Variants in MEGF9 observed in about 807,000 individuals in gnomAD.
The protein encoded by MEGF9 is multiple EGF like domains 9, also known as multiple epidermal growth factor-like domains protein 9.
A neutral mutation model predicts 46.8 loss-of-function variants in MEGF9; 6 were observed. That is an observed-to-expected ratio of 0.13 (90% CI 0.07 to 0.25). The LOEUF is 0.25. MEGF9 is among the 10% of genes least tolerant of loss of function. The pLI is 1.00. For missense variants in MEGF9, 683 were observed against 792.4 expected (o/e 0.86, Z 1.66); for synonymous variants, 302 against 330.7 (o/e 0.91, Z 0.94).
chr9:120,661,308 GT>G (rs1348375895), intron 1 of MEGF9, among the ~76,000 whole-genome samples: 2 of 152,186 alleles, frequency 1.3e-5, no homozygotes, highest in Admixed American at 1.3e-4. Flanking sequence ...GAGCTCAGGA[GT>G]TTGAGACCAG....
At chr9:120,645,871 G>C (rs1011837369) in intron 2 of MEGF9, among the ~76,000 whole-genome samples, 2 of 152,300 alleles carry the variant, frequency 1.3e-5, no homozygotes, top group East Asian at 3.9e-4. Context: ...ACACTCAGCA[G>C]CAAGGCTAAT....
chr9:120,682,845 G>T (rs1221327007), intron 1 of MEGF9, among the ~76,000 whole-genome samples: 2 of 152,130 alleles, frequency 1.3e-5, no homozygotes, highest in African/African-American at 4.8e-5. Context: ...AGCTTCCAAA[G>T]TGCTGGGATT....
At chr9:120,625,324 C>G (rs144673522) in intron 2 of MEGF9, among the ~76,000 whole-genome samples, 24 of 152,300 alleles carry the variant, frequency 1.6e-4, no homozygotes, top group African/African-American at 5.5e-4. Flanking sequence ...TATTATTACT[C>G]AAATCAGTTT....
At chr9:120,653,028 G>A (rs867509255) in intron 2 of MEGF9, among the ~76,000 whole-genome samples, 6 of 152,090 alleles carry the variant, frequency 3.9e-5, no homozygotes, top group East Asian at 1.9e-4. Context: ...TTCAAATTCC[G>A]CTCCCTTTCT....
chr9:120,641,136 C>A (rs1176331204), intron 2 of MEGF9, among the ~76,000 whole-genome samples: 1 of 152,114 alleles, frequency 6.6e-6, no homozygotes, highest in East Asian at 1.9e-4. Context: ...AATTCCATGT[C>A]TTTGCTATTG....
At chr9:120,658,695 T>A (rs990104746) in intron 2 of MEGF9, among the ~76,000 whole-genome samples, 6 of 152,164 alleles carry the variant, frequency 3.9e-5, no homozygotes, top group African/African-American at 1.4e-4. Flanking sequence ...TGACTTGGGG[T>A]CCACAAAAAG....
At chr9:120,661,100 T>C (rs1196415771) in intron 1 of MEGF9, among the ~76,000 whole-genome samples, 2 of 152,206 alleles carry the variant, frequency 1.3e-5, no homozygotes, top group African/African-American at 4.8e-5. Flanking sequence ...AAACAAAAGA[T>C]TCCTCAAAGA....
In MEGF9 at chr9:120,600,944, T is replaced by C. The variant is rs2043392931; in HGVS notation, c.*4246A>G. ...ACAATAGGTACAAATTATATACATT[T>C]ATTTTTAATAATTTTAAATAACACT... is the stretch of plus-strand genomic sequence containing the variant. On this transcript the variant is annotated 3_prime_UTR_variant, in exon 6 of 6. Coordinates refer to ENST00000373930, the MANE Select transcript of MEGF9 (RefSeq NM_001080497.3). 6.6e-6 allele frequency: 1 copy of C among 152,670 alleles called. No homozygotes were observed. Among genetic ancestry groups the C allele is most frequent in the Non-Finnish European group, 1.5e-5 (1 of 68,036 alleles). 9.5% of individuals were successfully genotyped at this position (152,670 alleles called of 1,614,324 possible).
intron 4 of MEGF9, among the ~76,000 whole-genome samples, chr9:120,611,748 T>C (rs2043446092): frequency 6.7e-6 from 1 of 150,328 alleles, no homozygotes; most frequent in South Asian, 2.1e-4. Context: ...GTATGAAATG[T>C]GAATTACAGC....
chr9:120,703,501 C>T (rs566407699), intron 1 of MEGF9, among the ~76,000 whole-genome samples: 7 of 151,970 alleles, frequency 4.6e-5, no homozygotes, highest in African/African-American at 1.7e-4. Flanking sequence ...ACACGATGTA[C>T]GTAAAAAAAT....
intron 1 of MEGF9, chr9:120,691,342 C>G: frequency 2.5e-6 from 1 of 393,036 alleles, no homozygotes; most frequent in South Asian, 2.0e-5. Flanking sequence ...AAGGTCATAA[C>G]CCTACTCTGT....
intron 3 of MEGF9, among the ~76,000 whole-genome samples, chr9:120,619,107 A>G (rs1365824187): frequency 6.6e-6 from 1 of 152,126 alleles, no homozygotes; most frequent in Non-Finnish European, 1.5e-5. Context: ...CCACTTTAGG[A>G]GGCCGAGGCA....
At chr9:120,659,325 T>G in intron 2 of MEGF9, 49 bp downstream of exon 2, 1 of 1,538,360 alleles carries the variant, frequency 6.5e-7, no homozygotes, top group South Asian at 1.2e-5. Context: ...GCCTTTTTTT[T>G]CCCCTTGCTA....
At chr9:120,612,119 T>C (rs1209928824) in intron 4 of MEGF9, among the ~76,000 whole-genome samples, 1 of 152,218 alleles carries the variant, frequency 6.6e-6, no homozygotes, top group Non-Finnish European at 1.5e-5. Flanking sequence ...TAGGAGGAAC[T>C]AATTAGTAAA....
At chr9:120,649,835 C>T (rs752076970) in intron 2 of MEGF9, among the ~76,000 whole-genome samples, 3 of 152,026 alleles carry the variant, frequency 2.0e-5, no homozygotes, top group Non-Finnish European at 4.4e-5. Flanking sequence ...CAAGAACCTA[C>T]GATGATGAGG....
At chr9:120,711,840 T>TACACACACACACACACACACAC (rs146669450) in intron 1 of MEGF9, among the ~76,000 whole-genome samples, 4 of 139,156 alleles carry the variant, frequency 2.9e-5, no homozygotes, top group African/African-American at 8.5e-5. Flanking sequence ...TATACATACA[T>TACACACACACACACACACACAC]ACATACACAC....
intron 2 of MEGF9, among the ~76,000 whole-genome samples, chr9:120,648,348 G>A (rs2043634383): frequency 6.6e-6 from 1 of 151,470 alleles, no homozygotes; most frequent in African/African-American, 2.4e-5. Flanking sequence ...AAATATAACA[G>A]TAGACAAATA....
intron 2 of MEGF9, among the ~76,000 whole-genome samples, chr9:120,659,158 A>G (rs1467365489): frequency 6.6e-6 from 1 of 152,236 alleles, no homozygotes; most frequent in African/African-American, 2.4e-5. Context: ...TGGCGACTCT[A>G]GTGCTTTTGA....
At chr9:120,680,389 C>A (rs1419842339) in intron 1 of MEGF9, among the ~76,000 whole-genome samples, 1 of 152,168 alleles carries the variant, frequency 6.6e-6, no homozygotes, top group East Asian at 1.9e-4. Flanking sequence ...TATACAGGTA[C>A]CGCCTTGTTG....
Sources: allele counts gnomAD v4.1 joint callset (sites outside exome capture counted in the v4.1 genomes callset), GRCh38; gene constraint gnomAD v4.1.1; transcripts MANE v1.5; gene names NCBI Gene and HGNC (gene_info 2026-07-23, HGNC 2026-07-21).